The following PDS5B variants were observed in gnomAD, a reference collection of about 807,000 sequenced individuals.
PDS5B encodes the protein PDS5 cohesin associated factor B.
A neutral mutation model predicts 184.1 loss-of-function variants in PDS5B; 51 were observed. The observed-to-expected ratio is 0.28, with a 90% CI of 0.22 to 0.35. The LOEUF (loss-of-function observed/expected upper bound fraction) is 0.35. PDS5B is among the 10% of genes least tolerant of loss of function. PDS5B has a pLI of 1.00. For synonymous variants in PDS5B, 566 were observed against 569.2 expected (o/e 0.99, Z 0.08); for missense variants, 1,180 against 1,723.3 (o/e 0.68, Z 5.58).
intron 19 of PDS5B, among the ~76,000 whole-genome samples, chr13:32,712,653 T>C (rs1436457776): frequency 1.3e-5 from 2 of 152,218 alleles, no homozygotes; most frequent in East Asian, 3.8e-4. Flanking sequence ...AAGGGATATG[T>C]ATTGGCAGTG....
intron 19 of PDS5B, among the ~76,000 whole-genome samples, chr13:32,716,133 G>A (rs1429761358): frequency 4.6e-5 from 7 of 151,770 alleles, no homozygotes; most frequent in Admixed American, 1.3e-4. Context: ...CGTCTGGGAC[G>A]TGAGGAGCCC....
intron 19 of PDS5B, among the ~76,000 whole-genome samples, chr13:32,727,703 G>A (rs979490394): frequency 3.3e-5 from 5 of 151,966 alleles, no homozygotes; most frequent in African/African-American, 1.2e-4. Context: ...CTGCTTTTAA[G>A]ATTTTTCTGT....
At chr13:32,681,927 A>G (rs934294389) in intron 10 of PDS5B, among the ~76,000 whole-genome samples, 4 of 152,222 alleles carry the variant, frequency 2.6e-5, no homozygotes, top group African/African-American at 9.6e-5. Context: ...CCTATTTGTA[A>G]TATACAGGAG....
At chr13:32,685,375 T>G (rs1379062374) in intron 11 of PDS5B, among the ~76,000 whole-genome samples, 1 of 152,214 alleles carries the variant, frequency 6.6e-6, no homozygotes, top group Non-Finnish European at 1.5e-5. Context: ...ATAGTAGCCT[T>G]CTAAATACCT....
intron 1 of PDS5B, among the ~76,000 whole-genome samples, chr13:32,635,176 T>G (rs1443184915): frequency 6.0e-4 from 2 of 3,330 alleles, no homozygotes; most frequent in East Asian, 3.4e-3. Flanking sequence ...TTACGTTTTT[T>G]TTTTTTTTTT....
At chr13:32,658,962 TGTA>T (rs1950580590) in intron 5 of PDS5B, among the ~76,000 whole-genome samples, 189 bp from the exon 6 acceptor site, 1 of 152,124 alleles carries the variant, frequency 6.6e-6, no homozygotes, top group Admixed American at 6.5e-5. Flanking sequence ...ATCTAAGAAA[TGTA>T]GTGTAAAAAT....
chr13:32,592,930 A>G (rs1271993141), intron 1 of PDS5B, among the ~76,000 whole-genome samples: 2 of 152,208 alleles, frequency 1.3e-5, no homozygotes, highest in Non-Finnish European at 2.9e-5. Flanking sequence ...AGTGGGACTA[A>G]CAGCAGAAAC....
At chr13:32,609,703 C>T (rs2058111927) in intron 1 of PDS5B, among the ~76,000 whole-genome samples, 1 of 152,144 alleles carries the variant, frequency 6.6e-6, no homozygotes, top group Admixed American at 6.5e-5. Context: ...CCAGTTTCCC[C>T]TTGATAGTGA....
rs79861030 is a variant in PDS5B at position 32,773,007 on chromosome 13, A to G, written c.4173-182A>G. ...TTTTTGTTGTTACTTGGTAGATAAT[A>G]TGTAACATTCTATGATTAAATGCTG... On this transcript the variant is annotated intron_variant, in intron 33 of 34. Coordinates refer to ENST00000315596, the MANE Select transcript of PDS5B (RefSeq NM_015032.4). 7.2e-3 allele frequency among the ~76,000 whole-genome samples: 1,098 copies of G among 152,346 alleles called. 11 individuals are homozygous for G. The highest frequency in any genetic ancestry group is 0.025 in the African/African-American group (1,052 of 41,574).
intron 31 of PDS5B, among the ~76,000 whole-genome samples, chr13:32,768,523 G>C (rs1954657708): frequency 6.6e-6 from 1 of 151,950 alleles, no homozygotes; most frequent in African/African-American, 2.4e-5. Flanking sequence ...AAGGACAGGT[G>C]CAATGACACC....
intron 26 of PDS5B, among the ~76,000 whole-genome samples, chr13:32,756,282 A>G (rs7322505): frequency 0.38 from 56,990 of 151,186 alleles, 11,347 homozygotes; most frequent in Non-Finnish European, 0.45. Flanking sequence ...GTAGATTTTC[A>G]TGTGAGGTCA....
At chr13:32,654,055 A>C (rs1453011466) in intron 3 of PDS5B, among the ~76,000 whole-genome samples, 1 of 152,228 alleles carries the variant, frequency 6.6e-6, no homozygotes, top group Non-Finnish European at 1.5e-5. Context: ...GTCTTTGTGC[A>C]TTATTCCCTA....
At chr13:32,655,461 C>G (rs1950490713) in intron 3 of PDS5B, among the ~76,000 whole-genome samples, 1 of 146,870 alleles carries the variant, frequency 6.8e-6, no homozygotes, top group Non-Finnish European at 1.5e-5. Context: ...TCACTGCAAC[C>G]TCCGTTTCTC....
At chr13:32,623,934 C>T (rs527461782) in intron 1 of PDS5B, among the ~76,000 whole-genome samples, 1 of 152,192 alleles carries the variant, frequency 6.6e-6, no homozygotes, top group South Asian at 2.1e-4. Context: ...GCCTTAGCCT[C>T]CTGAGTAGCT....
intron 31 of PDS5B, among the ~76,000 whole-genome samples, chr13:32,769,174 G>A (rs1232684500): frequency 1.3e-5 from 2 of 151,688 alleles, no homozygotes; most frequent in East Asian, 3.9e-4. Context: ...TTAAAAATAA[G>A]CATAGAGGCA....
chr13:32,626,443 C>T (rs1318847057), intron 1 of PDS5B, among the ~76,000 whole-genome samples: 1 of 152,126 alleles, frequency 6.6e-6, no homozygotes, highest in South Asian at 2.1e-4. Context: ...AGGCTGAATT[C>T]GACCTTGTCT....
intron 21 of PDS5B, among the ~76,000 whole-genome samples, chr13:32,736,741 A>T (rs747210850): frequency 7.9e-5 from 12 of 151,980 alleles, no homozygotes; most frequent in Non-Finnish European, 1.5e-4. Flanking sequence ...AGTTCTATTA[A>T]CACACTTTAA....
At chr13:32,774,558 A>G (rs143808514) in intron 34 of PDS5B, among the ~76,000 whole-genome samples, 23 of 152,346 alleles carry the variant, frequency 1.5e-4, no homozygotes, top group African/African-American at 5.5e-4. Context: ...TCAGCAAATG[A>G]TAATATGTTT....
At chr13:32,682,733 C>T (rs1008390394) in intron 10 of PDS5B, among the ~76,000 whole-genome samples, 1 of 152,346 alleles carries the variant, frequency 6.6e-6, no homozygotes, top group African/African-American at 2.4e-5. Flanking sequence ...TTTGTACCAG[C>T]AATGAATGAG....
Sources: gnomAD v4.1 joint callset for allele counts (sites outside exome capture counted in the v4.1 genomes callset) on GRCh38, gnomAD v4.1.1 for gene constraint, MANE v1.5 for transcripts, NCBI Gene and HGNC (gene_info 2026-07-23, HGNC 2026-07-21) for gene names.